Variants in ADGRB2 observed in about 807,000 individuals in gnomAD.
The protein encoded by ADGRB2 is brain-specific angiogenesis inhibitor 2.
In ADGRB2, 47 loss-of-function variants were observed where a neutral mutation model predicts 178.7. The observed-to-expected ratio is 0.26, with a 90% CI of 0.21 to 0.34. The LOEUF (loss-of-function observed/expected upper bound fraction) is 0.34, where lower values mean the gene tolerates loss of function less well. Among genes scored for constraint, ADGRB2 ranks in the 10% least tolerant of loss-of-function variants. The pLI is 1.00. For missense variants in ADGRB2, 1,584 were observed against 2,180.8 expected (o/e 0.73, Z 5.45); for synonymous variants, 870 against 912.4 (o/e 0.95, Z 0.84).
Position 31,735,803 on chromosome 1 carries a change from C to T in ADGRB2, c.3267+24G>A, listed in dbSNP as rs1159425842. 9 of 1,606,340 alleles carry T rather than the reference C, an allele frequency of 5.6e-6. No homozygotes were observed. Among genetic ancestry groups the T allele is most frequent in the Non-Finnish European group, 7.7e-6 (9 of 1,175,508 alleles). On this transcript the variant is annotated intron_variant, in intron 23 of 32. Coordinates refer to ENST00000373658, the MANE Select transcript of ADGRB2 (RefSeq NM_001364857.2). This position sits in a 1 kb window ranked among gnomAD's most constrained non-coding sequence, Gnocchi z 6.0. ...ATGACCCTCTGGGGCCATGCCCCTT[C>T]CAAGATGCTGAACGGGCACATACCA...
At position 31,754,715 on chromosome 1, in the gene ADGRB2, C is replaced by T. The variant is rs1189516253; in HGVS notation, c.838+1284G>A. 1.3e-5 allele frequency among the ~76,000 whole-genome samples: 2 copies of T among 152,204 alleles called. No homozygotes were observed. The highest frequency in any genetic ancestry group is 2.9e-5 in the Non-Finnish European group (2 of 68,036). ...TTGGAGAAGCCAAGAAGGCCCCCAT[C>T]GAAAGTACTGGGTTAGGCTACTTTC... is the stretch of plus-strand genomic sequence containing the variant. On this transcript the variant is annotated intron_variant, in intron 4 of 32. Coordinates refer to ENST00000373658, the MANE Select transcript of ADGRB2 (RefSeq NM_001364857.2). This position sits in a 1 kb window ranked among gnomAD's most constrained non-coding sequence, Gnocchi z 5.7.
At chr1:31,763,391 G>A (rs1247423567) in intron 1 of ADGRB2, among the ~76,000 whole-genome samples, 1 of 151,726 alleles carries the variant, frequency 6.6e-6, no homozygotes, top group East Asian at 1.9e-4. Context: ...ACATGGATGG[G>A]GACAGGAAAG....
chr1:31,732,175 G>A, intron 27 of ADGRB2, 21 bp from the exon 28 acceptor site: 1 of 1,614,068 alleles, frequency 6.2e-7, no homozygotes, highest in Non-Finnish European at 8.5e-7. Flanking sequence ...AAAGGGAGGG[G>A]CAGGTGGGCA....
chr1:31,743,537 C>G (rs1247770308), intron 6 of ADGRB2: 1 of 152,950 alleles, frequency 6.5e-6, no homozygotes, highest in Non-Finnish European at 1.5e-5. Context: ...TCCTGCCATA[C>G]CCCCAGGTAC....
Position 31,744,812 on chromosome 1 carries a change from T to C in ADGRB2, c.839-81A>G, listed in dbSNP as rs528117365. 64 of 1,447,140 alleles carry C rather than the reference T, an allele frequency of 4.4e-5. No homozygotes were observed. The East Asian group carries it at 1.0e-3, about 23-fold the overall frequency. 89.6% of individuals were successfully genotyped at this position (1,447,140 alleles called of 1,614,324 possible). A position where few individuals can be genotyped will look rare whatever the true frequency, so the allele number is the denominator to read the frequency against. Reference sequence around the variant, plus strand: ...AGTGGCACAGTGAAGGCAGCCTTCCTTGCCCTCCGCCTGAGGGCCTGGAAC... The same window carrying C: ...AGTGGCACAGTGAAGGCAGCCTTCCCTGCCCTCCGCCTGAGGGCCTGGAAC... On this transcript the variant is annotated intron_variant, in intron 4 of 32. Coordinates refer to ENST00000373658, the MANE Select transcript of ADGRB2 (RefSeq NM_001364857.2). The surrounding 1 kb of genome is among the most constrained non-coding windows in gnomAD (Gnocchi z 6.7).
At chr1:31,731,539 T>C in intron 28 of ADGRB2, 120 bp from the exon 29 acceptor site, 1 of 1,249,298 alleles carries the variant, frequency 8.0e-7, no homozygotes, top group South Asian at 1.6e-5. Flanking sequence ...AACTGGGTCC[T>C]GGAGAGATGG....
intron 7 of ADGRB2, 129 bp from the exon 8 acceptor site, chr1:31,742,346 TGGGGA>T: frequency 1.5e-6 from 2 of 1,294,888 alleles, no homozygotes. Context: ...CCCACTGGAG[TGGGGA>T]GGGGAGGGGG....
intron 18 of ADGRB2, 141 bp downstream of exon 18, chr1:31,738,059 G>A (rs1237594052): frequency 2.3e-6 from 3 of 1,295,170 alleles, no homozygotes; most frequent in Non-Finnish European, 3.1e-6. Context: ...CAGGGGCACA[G>A]ACATCCACGT....
Position 31,755,957 on chromosome 1 carries a change from C to G in ADGRB2, c.838+42G>C. 6.4e-7 allele frequency: 1 copy of G among 1,563,644 alleles called. No homozygotes were observed. The highest frequency in any genetic ancestry group is 8.7e-7 in the Non-Finnish European group (1 of 1,151,336). On this transcript the variant is annotated intron_variant, in intron 4 of 32. Coordinates refer to ENST00000373658, the MANE Select transcript of ADGRB2 (RefSeq NM_001364857.2). The surrounding 1 kb of genome is among the most constrained non-coding windows in gnomAD (Gnocchi z 5.1). Reference sequence around the variant, plus strand: ...GGATGGACACCAGGGACACTGTCAGCCCCTGCAGACCCCGCCCCACCCAGG... The same window carrying G: ...GGATGGACACCAGGGACACTGTCAGGCCCTGCAGACCCCGCCCCACCCAGG...
chr1:31,734,949 G>A (rs891182685), intron 25 of ADGRB2, among the ~76,000 whole-genome samples: 8 of 152,170 alleles, frequency 5.3e-5, no homozygotes, highest in East Asian at 1.9e-4. Flanking sequence ...GGGCAGGGGC[G>A]GGATCCAAGG....
intron 1 of ADGRB2, among the ~76,000 whole-genome samples, chr1:31,762,269 C>G (rs1274449816): frequency 6.6e-6 from 1 of 152,084 alleles, no homozygotes; most frequent in Admixed American, 6.5e-5. Flanking sequence ...AGAAGACCCT[C>G]CCTAACCTCC....
rs1461257969 is a variant in ADGRB2, at chr1:31,741,572, G to A, written c.1687+52C>T. 3.7e-6 allele frequency: 6 copies of A among 1,603,000 alleles called. No individual in the cohort carries two copies. Among genetic ancestry groups the A allele is most frequent in the African/African-American group, 1.3e-5 (1 of 74,718 alleles). On this transcript the variant is annotated intron_variant, in intron 10 of 32. Coordinates refer to ENST00000373658, the MANE Select transcript of ADGRB2 (RefSeq NM_001364857.2). The surrounding 1 kb of genome is among the most constrained non-coding windows in gnomAD (Gnocchi z 6.5). Reference sequence around the variant, plus strand: ...AGAGAGGCTGGGGGCGCAGAAGGGGGCAATGAGAATGGCAGGGGTGGTGGT... The same window carrying A: ...AGAGAGGCTGGGGGCGCAGAAGGGGACAATGAGAATGGCAGGGGTGGTGGT...
chr1:31,741,437 G>A lies in ADGRB2; in HGVS notation c.1730C>T (p.Ala577Val), dbSNP rs1337117500. 4 of 1,604,724 alleles carry A rather than the reference G, an allele frequency of 2.5e-6. No individual in the cohort carries two copies. The highest frequency in any genetic ancestry group is 1.3e-5 in the African/African-American group (1 of 74,834). ...RRCLLSAQGV[A>V]YWGLPSFARC... ...AGCAAAGCTGGGCAGCCCCCAGTACGCCACGCCTTGGGCACTGAGGAGACA... is the reference window on the plus strand; with the variant it reads ...AGCAAAGCTGGGCAGCCCCCAGTACACCACGCCTTGGGCACTGAGGAGACA... The change falls in exon 11 of 33, where the codon GCG becomes GTG. Residue 577 changes from alanine (A) to valine (V), a missense_variant. Ala to Val is a moderately conservative substitution (Grantham distance 64, BLOSUM62 0). This residue lies in a region of ADGRB2 where 657 missense variants were observed against 847.6 expected (regional missense o/e 0.78). Transcript: ENST00000373658. This position sits in a 1 kb window ranked among gnomAD's most constrained non-coding sequence, Gnocchi z 6.5.
intron 28 of ADGRB2, among the ~76,000 whole-genome samples, chr1:31,731,684 C>A (rs1645292007): frequency 6.6e-6 from 1 of 152,184 alleles, no homozygotes. Flanking sequence ...CGACTTTGAC[C>A]CCACAGCCCC....
At chr1:31,746,525 C>G (rs1006792247) in intron 4 of ADGRB2, among the ~76,000 whole-genome samples, 1 of 152,168 alleles carries the variant, frequency 6.6e-6, no homozygotes, top group Non-Finnish European at 1.5e-5. Context: ...GGCACCATGA[C>G]AGCTTCAGGG....
Position 31,738,499 on chromosome 1 carries a change from C to T in ADGRB2, c.2645+88G>A, listed in dbSNP as rs1185066956. ...CTTAGGCTAGGATGGCACCAAAAAT[C>T]CCTCTTGCCTTTTAGGCAGGAGACC... On this transcript the variant is annotated intron_variant, in intron 17 of 32. Coordinates refer to ENST00000373658, the MANE Select transcript of ADGRB2 (RefSeq NM_001364857.2). 6.5e-6 allele frequency: 10 copies of T among 1,540,100 alleles called. No individual in the cohort carries two copies. The African/African-American group carries it at 8.2e-5, about 13-fold the overall frequency.
rs12034555 is a variant in ADGRB2, at chr1:31,740,927, T to C, written c.1795-386A>G. ...CACACACACACACACACACACACAC[T>C]GTCTTTCTCTCTCTCACTCTCTCTC... is the stretch of plus-strand genomic sequence containing the variant. On this transcript the variant is annotated intron_variant, in intron 11 of 32. Transcript: ENST00000373658. This position sits in a 1 kb window ranked among gnomAD's most constrained non-coding sequence, Gnocchi z 5.9. Among the ~76,000 whole-genome samples the C allele has an allele frequency of 1.5e-5, 1 of 67,894 alleles. No individual in the cohort carries two copies. Among genetic ancestry groups the C allele is most frequent in the Non-Finnish European group, 3.2e-5 (1 of 31,520 alleles). 44.5% of individuals were successfully genotyped at this position (67,894 alleles called of 152,430 possible). A position where few individuals can be genotyped will look rare whatever the true frequency, so the allele number is the denominator to read the frequency against.
Position 31,738,894 on chromosome 1 carries a change from G to A in ADGRB2, c.2539C>T (p.Arg847Cys). The A allele has an allele frequency of 6.2e-7, 1 of 1,613,678 alleles. No homozygotes were observed. The change falls in exon 16 of 33, where the codon CGC (arginine) becomes TGC (cysteine). Residue 847 changes from arginine (R) to cysteine (C), a missense_variant. This residue lies in a region of ADGRB2 where 865 missense variants were observed against 1,192.8 expected (regional missense o/e 0.73). Coordinates refer to ENST00000373658, the MANE Select transcript of ADGRB2 (RefSeq NM_001364857.2). ...TCAGCTGGAGGCTGGGTAGGGGGGC[G>A]CACAGTCACTGTCATCACCCGGGAT... ...VTSRVMTVTV[R>C]PPTQPPAEPL...
Position 31,727,379 on chromosome 1 carries a change from G to C in ADGRB2, c.*41C>G. On this transcript the variant is annotated 3_prime_UTR_variant, in exon 33 of 33. Transcript: ENST00000373658. This position sits in a 1 kb window ranked among gnomAD's most constrained non-coding sequence, Gnocchi z 4.4. ...CCAAAGTGGAGTGTGAAAATAGAGA[G>C]ATATATATATTTATATGCAGTGGGC... 1.3e-6 allele frequency: 2 copies of C among 1,549,548 alleles called. No homozygotes were observed. Among genetic ancestry groups the C allele is most frequent in the Non-Finnish European group, 1.7e-6 (2 of 1,156,096 alleles).
Sources: allele counts gnomAD v4.1 joint callset (sites outside exome capture counted in the v4.1 genomes callset), GRCh38; gene constraint gnomAD v4.1.1; regional missense constraint gnomAD v4.1.1; non-coding constraint Gnocchi (gnomAD v3.1); transcripts MANE v1.5; gene names NCBI Gene and HGNC (gene_info 2026-07-23, HGNC 2026-07-21).